The following LTBP4 variants were observed in gnomAD, a reference collection of about 807,000 sequenced individuals.
LTBP4 encodes the protein latent-transforming growth factor beta-binding protein 4.
Under a neutral mutation model 180.2 loss-of-function variants are expected in LTBP4, and 93 were observed. The ratio of observed to expected loss-of-function variants is 0.52; its 90% confidence interval spans 0.44 to 0.61. The LOEUF is 0.61. Among genes scored for constraint, LTBP4 ranks in the 20% least tolerant of loss-of-function variants. The pLI is 0.00. For synonymous variants in LTBP4, 947 were observed against 934.5 expected (o/e 1.01, Z -0.24); for missense variants, 2,116 against 2,256.5 (o/e 0.94, Z 1.26).
Position 40,622,502 on chromosome 19 carries a change from G to C in LTBP4, c.3319G>C (p.Gly1107Arg), listed in dbSNP as rs989791063. The C allele has an allele frequency of 1.9e-6, 3 of 1,613,394 alleles. No individual in the cohort carries two copies. The highest frequency in any genetic ancestry group is 2.5e-6 in the Non-Finnish European group (3 of 1,179,626). Residue 1107 changes from glycine (G) to arginine (R), a missense_variant, in exon 23 of 30, where the codon GGC (glycine) becomes CGC (arginine). By Grantham distance (125) the Gly-to-Arg change is moderately radical (BLOSUM62 -2). This residue lies in a region of LTBP4 where 278 missense variants were observed against 373.0 expected (regional missense o/e 0.75). Coordinates refer to ENST00000396819, the MANE Select transcript of LTBP4 (RefSeq NM_001042545.2). This position sits in a 1 kb window ranked among gnomAD's most constrained non-coding sequence, Gnocchi z 5.1. ...CCGCCGACCCAGCACACCTAGGCAG[G>C]GCCCTGTGGGGAGTGGGCGCCGGGA... ...LPRRPSTPRQGPVGSGRRECY... is the reference protein window; with the variant it reads ...LPRRPSTPRQRPVGSGRRECY...
chr19:40,610,442 C>G, intron 11 of LTBP4, 90 bp from the exon 12 acceptor site: 1 of 1,463,704 alleles, frequency 6.8e-7, no homozygotes, highest in Non-Finnish European at 9.2e-7. Flanking sequence ...AAGCTTGGTC[C>G]CGCTCCCGCT....
rs1333238231 is a variant in LTBP4, at chr19:40,616,272, C to A, written c.2813-617C>A. ...TCCTGTCACTACACTCCAGCCTGAG[C>A]AACAGAGCAAGACCCCATTTAAAAA... is the stretch of plus-strand genomic sequence containing the variant. On this transcript the variant is annotated intron_variant, in intron 19 of 29. Coordinates refer to ENST00000396819, the MANE Select transcript of LTBP4 (RefSeq NM_001042545.2). Among the ~76,000 whole-genome samples the A allele has an allele frequency of 2.8e-5, 4 of 142,046 alleles. No individual in the cohort carries two copies. In the South Asian group the frequency reaches 6.7e-4, roughly 24 times the overall value. 93.2% of individuals were successfully genotyped at this position (142,046 alleles called of 152,430 possible).
At chr19:40,614,125 G>C (rs1469178254) in intron 18 of LTBP4, 87 bp downstream of exon 18, 13 of 1,555,734 alleles carry the variant, frequency 8.4e-6, no homozygotes, top group Non-Finnish European at 1.1e-5. Context: ...TTCCTCCTCC[G>C]CTTCTCCCCT....
chr19:40,622,865 G>A lies in LTBP4; in HGVS notation c.3485-85G>A. Reference sequence around the variant, plus strand: ...GGCACTAACAGGCACAGGGCCAGAGGGACTTTTGTGACAAGTGGGCACGAG... The same window carrying A: ...GGCACTAACAGGCACAGGGCCAGAGAGACTTTTGTGACAAGTGGGCACGAG... On this transcript the variant is annotated intron_variant, in intron 23 of 29. Coordinates refer to ENST00000396819, the MANE Select transcript of LTBP4 (RefSeq NM_001042545.2). This position sits in a 1 kb window ranked among gnomAD's most constrained non-coding sequence, Gnocchi z 5.1. 6.8e-7 allele frequency: 1 copy of A among 1,462,312 alleles called. No homozygotes were observed. The highest frequency in any genetic ancestry group is 1.7e-4 in the Middle Eastern group (1 of 5,760). 90.6% of individuals were successfully genotyped at this position (1,462,312 alleles called of 1,614,324 possible).
chr19:40,625,758 AGGCAGAGG>A, intron 26 of LTBP4, 91 bp from the exon 27 acceptor site: 2 of 1,057,840 alleles, frequency 1.9e-6, no homozygotes, highest in Non-Finnish European at 2.6e-6. Flanking sequence ...ATTTGCTGAT[AGGCAGAGG>A]GTGCCTGGGC....
upstream of LTBP4, chr19:40,599,874 C>A: frequency 2.0e-6 from 1 of 502,440 alleles, no homozygotes; most frequent in Non-Finnish European, 3.5e-6. Context: ...TTCTCTCCCC[C>A]AACCCCCATC....
At chr19:40,597,864 TG>T (rs1173713112), upstream of LTBP4, among the ~76,000 whole-genome samples, 1 of 143,162 alleles carries the variant, frequency 7.0e-6, no homozygotes, top group East Asian at 2.3e-4. Flanking sequence ...TTTTTCGAAT[TG>T]GTCAGGAAGA....
chr19:40,606,596 G>T, intron 6 of LTBP4, 70 bp downstream of exon 6: 1 of 1,518,738 alleles, frequency 6.6e-7, no homozygotes, highest in South Asian at 1.2e-5. Context: ...GAGCATCCTG[G>T]GGCCTTTAAT....
At position 40,628,607 on chromosome 19, in the gene LTBP4, T is replaced by C. The variant is rs192085611; in HGVS notation, c.4519+750T>C. Reference sequence around the variant, plus strand: ...GCTGGACAGGTCACTGTCCCTTACCTAATTTTTCTGATATGAAAAATGGCT... The same window carrying C: ...GCTGGACAGGTCACTGTCCCTTACCCAATTTTTCTGATATGAAAAATGGCT... On this transcript the variant is annotated intron_variant, in intron 29 of 29. Transcript: ENST00000396819. 7.2e-5 allele frequency among the ~76,000 whole-genome samples: 11 copies of C among 152,328 alleles called. No individual in the cohort carries two copies. In the East Asian group the frequency reaches 2.1e-3, roughly 29 times the overall value.
intron 1 of LTBP4, among the ~76,000 whole-genome samples, chr19:40,602,430 C>A (rs546683771): frequency 1.3e-5 from 2 of 152,170 alleles, no homozygotes; most frequent in South Asian, 4.1e-4. Context: ...GGCCTTCCTG[C>A]CCCCTACCCC....
At chr19:40,608,653 C>G in intron 9 of LTBP4, 50 bp downstream of exon 9, 1 of 1,544,160 alleles carries the variant, frequency 6.5e-7, no homozygotes, top group Non-Finnish European at 8.7e-7. Context: ...TGGCTCACGC[C>G]TGTAATCCCA....
chr19:40,596,940 C>T (rs961366884), upstream of LTBP4, among the ~76,000 whole-genome samples: 1 of 152,050 alleles, frequency 6.6e-6, no homozygotes, highest in Non-Finnish European at 1.5e-5. Flanking sequence ...CTCTGTTCCA[C>T]GAGAAGGTTC....
In LTBP4 at chr19:40,610,814, A is replaced by C. The variant is rs1599865959; in HGVS notation, c.1810+157A>C. 3 of 1,167,906 alleles carry C rather than the reference A, an allele frequency of 2.6e-6. No homozygotes were observed. The East Asian group carries it at 7.7e-5, about 30-fold the overall frequency. 72.3% of individuals were successfully genotyped at this position (1,167,906 alleles called of 1,614,324 possible). ...CGTGTGGCCTGATGGCAGTAGAGAG[A>C]GACCTGGGATGCAGAGGCCAAGTGA... On this transcript the variant is annotated intron_variant, in intron 12 of 29. Transcript: ENST00000396819.
chr19:40,622,348 T>C lies in LTBP4; in HGVS notation c.3218-53T>C. On this transcript the variant is annotated intron_variant, in intron 22 of 29. Transcript: ENST00000396819. This position sits in a 1 kb window ranked among gnomAD's most constrained non-coding sequence, Gnocchi z 5.1. ...GCCTCAGTTTCCCCATCTATGATAG[T>C]GGCGGGGCTGGGGATTCAGCCCACA... 3 of 1,454,224 alleles carry C rather than the reference T, an allele frequency of 2.1e-6. No individual in the cohort carries two copies. In the South Asian group the frequency reaches 4.3e-5, roughly 21 times the overall value. The allele number at this position is 1,454,224 out of a possible 1,614,324, so 90.1% of individuals were successfully genotyped here.
rs2081630592 is a variant in LTBP4 at position 40,625,941 on chromosome 19, C to G, written c.3917C>G (p.Thr1306Arg). ...CGGCTGGACCGTCAGGCCACCTACA[C>G]AGAGTGCTGCTGCCTGTATGGAGAG... Reference protein sequence around the residue: ...HPRLDRQATYTECCCLYGEAW... With the variant: ...HPRLDRQATYRECCCLYGEAW... The change falls in exon 27 of 30, where the codon ACA becomes AGA. Residue 1306 changes from threonine to arginine, a missense_variant. Thr to Arg is a moderately conservative substitution (Grantham distance 71). Around this residue, in one of 5 missense-constraint regions of LTBP4, gnomAD observed 488 missense variants for 458.8 expected, o/e 1.06. Transcript: ENST00000396819. 1.9e-6 allele frequency: 3 copies of G among 1,606,956 alleles called. No individual in the cohort carries two copies. The African/African-American group carries it at 4.0e-5, about 22-fold the overall frequency.
Position 40,629,445 on chromosome 19 carries a change from C to T in LTBP4, c.4569C>T (p.Asn1523=). ...EAEAASPLCV[N]ARCLNTDGSF... Reference sequence around the variant, plus strand: ...AGGCTGCCTCCCCGCTGTGCGTCAACGCGCGTTGCCTCAACACGGATGGCT... The same window carrying T: ...AGGCTGCCTCCCCGCTGTGCGTCAATGCGCGTTGCCTCAACACGGATGGCT... Residue 1523 remains asparagine (N), a synonymous_variant, in exon 30 of 30, where the codon AAC becomes AAT. Coordinates refer to ENST00000396819, the MANE Select transcript of LTBP4 (RefSeq NM_001042545.2). This position sits in a 1 kb window ranked among gnomAD's most constrained non-coding sequence, Gnocchi z 4.5. The T allele has an allele frequency of 1.2e-6, 2 of 1,612,556 alleles. No homozygotes were observed. The highest frequency in any genetic ancestry group is 1.7e-6 in the Non-Finnish European group (2 of 1,179,422).
At position 40,611,775 on chromosome 19, in the gene LTBP4, G is replaced by C; in HGVS notation, c.2054-84G>C. 6.6e-7 allele frequency: 1 copy of C among 1,519,596 alleles called. No individual in the cohort carries two copies. The highest frequency in any genetic ancestry group is 8.9e-7 in the Non-Finnish European group (1 of 1,127,036). The allele number at this position is 1,519,596 out of a possible 1,614,324, so 94.1% of individuals were successfully genotyped here. A position where few individuals can be genotyped will look rare whatever the true frequency, so the allele number is the denominator to read the frequency against. The stretch of plus-strand genomic sequence containing the variant: ...AGGCAAGTCCAGAAGGCAGGCTCAA[G>C]ACTGGAATGCTGGGGTGGGTGGTGA... On this transcript the variant is annotated intron_variant, in intron 13 of 29. Transcript: ENST00000396819. The surrounding 1 kb of genome is among the most constrained non-coding windows in gnomAD (Gnocchi z 4.4).
rs2081552573 is a variant in LTBP4, at chr19:40,616,878, A to G, written c.2813-11A>G. ...CTTTGACTCCCCTTTCATCTCCTCC[A>G]CACTCTGCAGATGTGGATGAGTGCC... On this transcript the variant is annotated splice_polypyrimidine_tract_variant and intron_variant, in intron 19 of 29. Transcript: ENST00000396819. The G allele has an allele frequency of 6.2e-7, 1 of 1,613,664 alleles. No homozygotes were observed. The highest frequency in any genetic ancestry group is 1.3e-5 in the African/African-American group (1 of 74,882).
At chr19:40,619,883 G>A (rs577011430) in intron 22 of LTBP4, among the ~76,000 whole-genome samples, 5 of 152,186 alleles carry the variant, frequency 3.3e-5, no homozygotes, top group African/African-American at 1.2e-4. Flanking sequence ...GCCCAGGGGG[G>A]TTTTGGAGGA....
Sources: gnomAD v4.1 joint callset for allele counts (sites outside exome capture counted in the v4.1 genomes callset) on GRCh38, gnomAD v4.1.1 for gene constraint, gnomAD v4.1.1 regional missense constraint, Gnocchi (gnomAD v3.1) non-coding constraint, MANE v1.5 for transcripts, NCBI Gene and HGNC (gene_info 2026-07-23, HGNC 2026-07-21) for gene names.